GALNTL6: variants seen among roughly 807,000 people sequenced by gnomAD.
GALNTL6 encodes the protein polypeptide N-acetylgalactosaminyltransferase-like 6.
A neutral mutation model predicts 73.7 loss-of-function variants in GALNTL6; 46 were observed. The ratio of observed to expected loss-of-function variants is 0.62; its 90% CI spans 0.49 to 0.80. The LOEUF (loss-of-function observed/expected upper bound fraction) is 0.80. GALNTL6 is among the 30% of genes least tolerant of loss of function. The pLI is 0.00. For synonymous variants in GALNTL6, 259 were observed against 263.7 expected, an observed-to-expected ratio of 0.98 and a Z score of 0.17; for missense variants, 604 against 755.0, an observed-to-expected ratio of 0.80 and a Z score of 2.34.
chr4:172,156,560 TATATATAC>T (rs1413206147), intron 2 of GALNTL6, among the ~76,000 whole-genome samples: 7 of 97,138 alleles, frequency 7.2e-5, no homozygotes, highest in African/African-American at 2.9e-4. Flanking sequence ...TATATATATA[TATATATAC>T]ATACTATATA....
chr4:172,370,665 A>G (rs1848400), intron 5 of GALNTL6, among the ~76,000 whole-genome samples: 145,237 of 146,588 alleles, frequency 0.99, 71,972 homozygotes, highest in Middle Eastern at 1. Context: ...TTTGAAAGGC[A>G]TTGTCTGACT....
At chr4:172,953,771 T>C (rs1197722494) in intron 10 of GALNTL6, among the ~76,000 whole-genome samples, 1 of 152,262 alleles carries the variant, frequency 6.6e-6, no homozygotes, top group Non-Finnish European at 1.5e-5. Context: ...TGACATTGTC[T>C]GCTTAATTCA....
chr4:172,478,990 AT>A (rs760281133), intron 5 of GALNTL6, among the ~76,000 whole-genome samples: 2 of 152,172 alleles, frequency 1.3e-5, no homozygotes, highest in East Asian at 3.8e-4. Flanking sequence ...CAGAATAGTC[AT>A]TTTTTTAAAA....
At chr4:172,836,375 C>A (rs188216724) in intron 7 of GALNTL6, among the ~76,000 whole-genome samples, 16 of 152,348 alleles carry the variant, frequency 1.1e-4, no homozygotes, top group Admixed American at 2.6e-4. Context: ...CCACAGATGT[C>A]ATTACCTGGG....
chr4:172,709,287 A>G (rs1156359873), intron 5 of GALNTL6, among the ~76,000 whole-genome samples: 2 of 152,174 alleles, frequency 1.3e-5, no homozygotes, highest in Non-Finnish European at 2.9e-5. Flanking sequence ...CATGGACACA[A>G]TCAGTGCTGA....
intron 8 of GALNTL6, among the ~76,000 whole-genome samples, chr4:172,914,463 A>T (rs946102673): frequency 1.3e-5 from 2 of 152,248 alleles, no homozygotes; most frequent in Non-Finnish European, 2.9e-5. Flanking sequence ...CAAATTGGAT[A>T]AAGAGTCAAG....
chr4:172,371,709 C>G (rs917738937), intron 5 of GALNTL6, among the ~76,000 whole-genome samples: 1 of 151,938 alleles, frequency 6.6e-6, no homozygotes, highest in African/African-American at 2.4e-5. Context: ...CTTTGACTTT[C>G]TGTCTCTTTC....
At chr4:172,108,898 A>G (rs1163665898) in intron 2 of GALNTL6, among the ~76,000 whole-genome samples, 1 of 151,596 alleles carries the variant, frequency 6.6e-6, no homozygotes, top group Non-Finnish European at 1.5e-5. Context: ...CCATATTCCC[A>G]GCTGATCGGG....
At chr4:172,246,480 T>G (rs1344008577) in intron 3 of GALNTL6, among the ~76,000 whole-genome samples, 2 of 152,144 alleles carry the variant, frequency 1.3e-5, no homozygotes, top group African/African-American at 4.8e-5. Context: ...ATATTTAATT[T>G]TAGTGATTGT....
chr4:172,966,889 G>A (rs1004189620), intron 10 of GALNTL6, among the ~76,000 whole-genome samples: 5 of 151,698 alleles, frequency 3.3e-5, no homozygotes, highest in African/African-American at 7.3e-5. Context: ...TGACTGTGCC[G>A]CTAAAAGGTA....
chr4:172,887,168 C>T (rs1274668326), intron 8 of GALNTL6, among the ~76,000 whole-genome samples: 1 of 152,168 alleles, frequency 6.6e-6, no homozygotes, highest in Non-Finnish European at 1.5e-5. Flanking sequence ...TGATTTTGTT[C>T]ACTTTTTATG....
At chr4:171,920,978 T>C (rs957485409) in intron 2 of GALNTL6, among the ~76,000 whole-genome samples, 7 of 152,166 alleles carry the variant, frequency 4.6e-5, no homozygotes, top group South Asian at 2.1e-4. Context: ...TCTCATACAA[T>C]AATTTAAGGT....
chr4:171,846,884 A>G (rs1681662495), intron 2 of GALNTL6, among the ~76,000 whole-genome samples: 1 of 143,946 alleles, frequency 6.9e-6, no homozygotes, highest in South Asian at 2.1e-4. Flanking sequence ...TATATTATAT[A>G]CACATAATTA....
At chr4:172,149,859 A>G (rs1734027968) in intron 2 of GALNTL6, among the ~76,000 whole-genome samples, 1 of 152,212 alleles carries the variant, frequency 6.6e-6, no homozygotes, top group South Asian at 2.1e-4. Flanking sequence ...ATTGAGATTT[A>G]AAACACACAC....
chr4:171,911,041 T>A (rs959478036), intron 2 of GALNTL6, among the ~76,000 whole-genome samples: 3 of 152,114 alleles, frequency 2.0e-5, no homozygotes, highest in Admixed American at 6.6e-5. Flanking sequence ...ATTTTAAGAG[T>A]CACTAATACC....
At chr4:172,870,416 T>C (rs140070932) in intron 7 of GALNTL6, among the ~76,000 whole-genome samples, 1 of 152,284 alleles carries the variant, frequency 6.6e-6, no homozygotes, top group Non-Finnish European at 1.5e-5. Flanking sequence ...TACATATTTT[T>C]GTTACCGGTG....
chr4:171,817,336 G>T (rs986403982), intron 2 of GALNTL6, among the ~76,000 whole-genome samples: 4 of 152,054 alleles, frequency 2.6e-5, no homozygotes, highest in Non-Finnish European at 5.9e-5. Context: ...ATTAGAAAAG[G>T]TTACAGGGAA....
chr4:171,927,923 G>T (rs560495938), intron 2 of GALNTL6, among the ~76,000 whole-genome samples: 1 of 151,952 alleles, frequency 6.6e-6, no homozygotes, highest in Non-Finnish European at 1.5e-5. Context: ...GACGCCACTC[G>T]TCATTACCTA....
intron 2 of GALNTL6, among the ~76,000 whole-genome samples, chr4:171,895,861 A>T (rs78786550): frequency 0.015 from 2,209 of 152,234 alleles, 56 homozygotes; most frequent in African/African-American, 0.05. Flanking sequence ...AGAAATAATA[A>T]TGATTAAAAA....
Sources: allele counts gnomAD v4.1 joint callset (sites outside exome capture counted in the v4.1 genomes callset), GRCh38; gene constraint gnomAD v4.1.1; transcripts MANE v1.5; gene names NCBI Gene and HGNC (gene_info 2026-07-23, HGNC 2026-07-21).